Variants in DAB1 observed in about 807,000 individuals in gnomAD.
DAB1 encodes disabled homolog 1.
DAB1 carries 15 observed loss-of-function variants against 64.6 expected under a neutral mutation model. The ratio of observed to expected loss-of-function variants is 0.23; its 90% CI spans 0.16 to 0.36. The LOEUF is 0.36. DAB1 is among the 10% of genes least tolerant of loss of function. DAB1 has a pLI of 1.00. For synonymous variants in DAB1, 235 were observed against 251.9 expected, an observed-to-expected ratio of 0.93 and a Z score of 0.64; for missense variants, 596 against 706.7, an observed-to-expected ratio of 0.84 and a Z score of 1.78.
chr1:57,080,937 T>G (rs1652464973), intron 4 of DAB1, among the ~76,000 whole-genome samples: 1 of 152,172 alleles, frequency 6.6e-6, no homozygotes, highest in Non-Finnish European at 1.5e-5. Flanking sequence ...CCAAAAGCCC[T>G]TAGGTGCTAA....
Position 58,040,300 on chromosome 1 carries a change from T to C in DAB1, n.387+110211A>G, listed in dbSNP as rs183597612. ...CATTGCAATCCTGTTGAAAGCATGA[T>C]TAAATCTTAATAAGAGTGGAAGGAT... On this transcript the variant is annotated intron_variant and non_coding_transcript_variant, in intron 5 of 20. Transcript: ENST00000485760. Among the ~76,000 whole-genome samples the C allele has an allele frequency of 2.0e-5, 3 of 152,284 alleles. No individual in the cohort carries two copies. The East Asian group carries it at 5.8e-4, about 29-fold the overall frequency.
At chr1:57,388,197 G>C (rs1198533287) in intron 1 of DAB1, among the ~76,000 whole-genome samples, 1 of 152,190 alleles carries the variant, frequency 6.6e-6, no homozygotes, top group African/African-American at 2.4e-5. Context: ...TAAACATCAA[G>C]ATCATACATC....
At chr1:58,305,885 G>C (rs1662295914) in intron 4 of DAB1, among the ~76,000 whole-genome samples, 1 of 152,202 alleles carries the variant, frequency 6.6e-6, no homozygotes, top group Non-Finnish European at 1.5e-5. Flanking sequence ...TTGCAGTGGT[G>C]CTGTGGTGCT....
intron 7 of DAB1, among the ~76,000 whole-genome samples, chr1:57,569,608 T>G (rs1266740057): frequency 6.5e-5 from 9 of 138,364 alleles, no homozygotes; most frequent in East Asian, 4.2e-4. Flanking sequence ...GTGGTGGGGG[T>G]AGGGGGGAGG....
chr1:57,543,155 T>C (rs1644821989), intron 7 of DAB1, among the ~76,000 whole-genome samples: 1 of 152,188 alleles, frequency 6.6e-6, no homozygotes, highest in African/African-American at 2.4e-5. Flanking sequence ...TCAGGAATCG[T>C]GTGAAATAAT....
chr1:58,403,390 G>C (rs1431352073), intron 3 of DAB1, among the ~76,000 whole-genome samples: 1 of 151,556 alleles, frequency 6.6e-6, no homozygotes, highest in Non-Finnish European at 1.5e-5. Context: ...ATAATTTATA[G>C]AGTGCTTTAG....
intron 6 of DAB1, among the ~76,000 whole-genome samples, chr1:57,801,911 G>A (rs12072965): frequency 6.6e-6 from 1 of 152,264 alleles, no homozygotes; most frequent in Admixed American, 6.5e-5. Context: ...AACCGCCTTG[G>A]CTCCCCAAAG....
At chr1:57,207,474 C>T (rs1569891726) in intron 2 of DAB1, among the ~76,000 whole-genome samples, 1 of 51,268 alleles carries the variant, frequency 2.0e-5, no homozygotes, top group South Asian at 4.3e-4. Flanking sequence ...GATGGAGTCT[C>T]GCTCTGTCGC....
chr1:58,158,563 C>G (rs944237542), intron 4 of DAB1, among the ~76,000 whole-genome samples: 1 of 152,042 alleles, frequency 6.6e-6, no homozygotes, highest in East Asian at 1.9e-4. Flanking sequence ...AGGTGAGACT[C>G]GAAGGTGGGA....
chr1:57,517,796 T>G lies in DAB1; in HGVS notation n.625+131796A>C, dbSNP rs528375866. ...AGGTAACAATGATAGCCACTACAGC[T>G]AAGGGGGCACATTCTCCACATTGTT... On this transcript the variant is annotated intron_variant and non_coding_transcript_variant, in intron 7 of 20. Coordinates refer to the DAB1 transcript ENST00000485760. 2.0e-5 allele frequency among the ~76,000 whole-genome samples: 3 copies of G among 152,344 alleles called. No individual in the cohort carries two copies. In the East Asian group the frequency reaches 5.8e-4, roughly 29 times the overall value.
chr1:57,889,894 T>TGCGG (rs1644280930), intron 5 of DAB1, among the ~76,000 whole-genome samples: 1 of 8,016 alleles, frequency 1.2e-4, no homozygotes, highest in African/African-American at 5.0e-4. Context: ...TAGCACAAAC[T>TGCGG]GGGGCGGGGG....
chr1:57,928,965 T>C (rs939963031), intron 5 of DAB1, among the ~76,000 whole-genome samples: 8 of 152,224 alleles, frequency 5.3e-5, no homozygotes, highest in Non-Finnish European at 7.3e-5. Flanking sequence ...AGGAGCACAA[T>C]TGCGGGGTCA....
At chr1:57,224,123 T>G (rs12569224) in intron 2 of DAB1, among the ~76,000 whole-genome samples, 1,856 of 152,268 alleles carry the variant, frequency 0.012, 41 homozygotes, top group East Asian at 0.08. Context: ...AGGCACCATA[T>G]CAGGCTTACT....
rs563484475 is a variant in DAB1 at position 58,375,782 on chromosome 1, G to C, written n.258-32379C>G. 1.5e-4 allele frequency among the ~76,000 whole-genome samples: 22 copies of C among 145,340 alleles called. No individual in the cohort carries two copies. In the South Asian group the frequency reaches 4.5e-3, roughly 30 times the overall value. ...GTACCAGTTCCTCCTTGTACCTCTG[G>C]TAGAATTCAGCTGTGAATCCATCTG... On this transcript the variant is annotated intron_variant and non_coding_transcript_variant, in intron 3 of 20. Coordinates refer to the DAB1 transcript ENST00000485760.
At chr1:57,874,395 A>T (rs1644007985) in intron 1 of DAB1, 1 of 152,222 alleles carries the variant, frequency 6.6e-6, no homozygotes, top group South Asian at 2.1e-4. Flanking sequence ...CCAGAGAAAA[A>T]TGGAGAAGGA....
intron 1 of DAB1, among the ~76,000 whole-genome samples, chr1:57,334,377 G>A (rs1455666618): frequency 2.0e-5 from 3 of 152,190 alleles, no homozygotes; most frequent in Non-Finnish European, 4.4e-5. Flanking sequence ...TTATGACTTG[G>A]AGCCTTTTTC....
chr1:57,167,863 T>C (rs1480783810), intron 2 of DAB1, among the ~76,000 whole-genome samples: 3 of 152,210 alleles, frequency 2.0e-5, no homozygotes, highest in African/African-American at 7.2e-5. Flanking sequence ...GTTGTAATTC[T>C]TAGCATTGTT....
chr1:58,056,446 T>C (rs1648109430), intron 5 of DAB1: 1 of 1,519,578 alleles, frequency 6.6e-7, no homozygotes, highest in Non-Finnish European at 9.0e-7. Context: ...GCGGCCCTTT[T>C]TGGCACGACC....
At chr1:58,081,299 C>A (rs76377768) in intron 5 of DAB1, among the ~76,000 whole-genome samples, 2,633 of 152,314 alleles carry the variant, frequency 0.017, 86 homozygotes, top group South Asian at 0.1. Flanking sequence ...GACGCAGCAA[C>A]AAATAGCACC....
Sources: allele counts gnomAD v4.1 joint callset (sites outside exome capture counted in the v4.1 genomes callset), GRCh38; gene constraint gnomAD v4.1.1; transcripts MANE v1.5; gene names NCBI Gene and HGNC (gene_info 2026-07-23, HGNC 2026-07-21).